The following AGMO variants were observed in gnomAD, a reference collection of about 807,000 sequenced individuals.
AGMO encodes the protein glyceryl-ether monooxygenase.
AGMO carries 75 observed loss-of-function variants against 60.2 expected under a neutral mutation model. The ratio of observed to expected loss-of-function variants is 1.25; its 90% CI spans 1.03 to 1.51. The LOEUF is 1.51. AGMO is among the 40% of genes most tolerant of loss of function. AGMO has a pLI of 0.00. For synonymous variants in AGMO, 261 were observed against 177.1 expected, an observed-to-expected ratio of 1.47 and a Z score of -3.76; for missense variants, 763 against 525.5, an observed-to-expected ratio of 1.45 and a Z score of -4.42.
chr7:15,347,860 T>C (rs1386741862), intron 12 of AGMO, among the ~76,000 whole-genome samples: 2 of 152,042 alleles, frequency 1.3e-5, no homozygotes, highest in African/African-American at 4.8e-5. Flanking sequence ...TCTGTATAAA[T>C]ACTTTATTAA....
chr7:15,398,365 T>C (rs978328479), intron 5 of AGMO, among the ~76,000 whole-genome samples: 2 of 152,152 alleles, frequency 1.3e-5, no homozygotes, highest in African/African-American at 2.4e-5. Context: ...AGTTCGTTTT[T>C]TAAAAAATAG....
chr7:15,531,918 C>T (rs577960751), intron 3 of AGMO, among the ~76,000 whole-genome samples: 119 of 152,032 alleles, frequency 7.8e-4, no homozygotes, highest in African/African-American at 2.8e-3. Flanking sequence ...ATCTGCCTGC[C>T]TTGGCCTCCC....
At chr7:15,350,205 G>C (rs879848820) in intron 12 of AGMO, among the ~76,000 whole-genome samples, 5 of 152,124 alleles carry the variant, frequency 3.3e-5, no homozygotes, top group African/African-American at 7.2e-5. Flanking sequence ...TCCAGTGTCA[G>C]ATAGTGTCAT....
the AGMO span, among the ~76,000 whole-genome samples, chr7:15,150,853 C>T: frequency 2.6e-5 from 4 of 151,964 alleles, no homozygotes; most frequent in Non-Finnish European, 5.9e-5. Context: ...AGGAGATAGT[C>T]CCTCCTCCTT....
chr7:15,207,657 G>A (rs1461594195), intron 12 of AGMO, among the ~76,000 whole-genome samples: 6 of 152,202 alleles, frequency 3.9e-5, no homozygotes, highest in Non-Finnish European at 5.9e-5. Context: ...AAAATAGGCC[G>A]GGCGTGGTGG....
chr7:15,392,324 G>A (rs1019693370), intron 6 of AGMO, among the ~76,000 whole-genome samples: 11 of 112,132 alleles, frequency 9.8e-5, no homozygotes, highest in East Asian at 2.4e-4. Context: ...TCCGCGATCC[G>A]CCTCCCAAAG....
the AGMO span, among the ~76,000 whole-genome samples, chr7:15,163,190 T>C: frequency 6.6e-6 from 1 of 152,226 alleles, no homozygotes; most frequent in African/African-American, 2.4e-5. Context: ...GAAAATTTAC[T>C]GAAGTCATTT....
At chr7:15,153,182 T>C in the AGMO span, among the ~76,000 whole-genome samples, 17 of 46,662 alleles carry the variant, frequency 3.6e-4, no homozygotes, top group African/African-American at 1.0e-3. Flanking sequence ...TTTGATAGGA[T>C]TGTTTTTTTT....
intron 12 of AGMO, among the ~76,000 whole-genome samples, chr7:15,303,603 T>A (rs1466276275): frequency 2.6e-5 from 4 of 152,242 alleles, no homozygotes; most frequent in South Asian, 2.1e-4. Flanking sequence ...GCTGTTTAAC[T>A]GCAATGTGTG....
At chr7:15,439,758 T>A (rs1781498609) in intron 3 of AGMO, among the ~76,000 whole-genome samples, 2 of 152,212 alleles carry the variant, frequency 1.3e-5, no homozygotes, top group Non-Finnish European at 2.9e-5. Flanking sequence ...ATTAGTTATG[T>A]ATGATTTTAT....
chr7:15,479,472 C>T (rs1473485333), intron 3 of AGMO, among the ~76,000 whole-genome samples: 1 of 152,104 alleles, frequency 6.6e-6, no homozygotes, highest in Non-Finnish European at 1.5e-5. Context: ...ACTCCTGAGC[C>T]AATGTTCTTT....
chr7:15,131,291 C>A, the AGMO span, among the ~76,000 whole-genome samples: 1 of 152,060 alleles, frequency 6.6e-6, no homozygotes, highest in Non-Finnish European at 1.5e-5. Context: ...GTTAGAGCTC[C>A]ATAACTTAAA....
chr7:15,349,826 G>T (rs1485549011), intron 12 of AGMO, among the ~76,000 whole-genome samples: 2 of 152,044 alleles, frequency 1.3e-5, no homozygotes, highest in African/African-American at 4.8e-5. Flanking sequence ...ATCAGGTCTG[G>T]TGAGAACTCA....
chr7:15,254,837 T>C, intron 12 of AGMO, among the ~76,000 whole-genome samples: 1 of 151,806 alleles, frequency 6.6e-6, no homozygotes, highest in Non-Finnish European at 1.5e-5. Context: ...GAAACTACTA[T>C]AAACAATTTA....
At position 15,544,925 on chromosome 7, in the gene AGMO, T is replaced by A. The variant is rs1433363087; in HGVS notation, c.258-2A>T. ...AGTTCAATGCTCCTGAAAAATAGACTGGAAGATAAAATTCACAATCAGTGA... is the reference window on the plus strand; with the variant it reads ...AGTTCAATGCTCCTGAAAAATAGACAGGAAGATAAAATTCACAATCAGTGA... On this transcript the variant is annotated splice_acceptor_variant, in intron 2 of 12. Transcript: ENST00000342526. LOFTEE classifies it high-confidence loss of function. 5 of 1,509,782 alleles carry A rather than the reference T, an allele frequency of 3.3e-6. No individual in the cohort carries two copies. Among genetic ancestry groups the A allele is most frequent in the Non-Finnish European group, 3.6e-6 (4 of 1,124,530 alleles). The allele number at this position is 1,509,782 out of a possible 1,614,324, so 93.5% of individuals were successfully genotyped here. A position where few individuals can be genotyped will look rare whatever the true frequency, so the allele number is the denominator to read the frequency against.
chr7:15,167,397 C>T, the AGMO span, among the ~76,000 whole-genome samples: 2 of 152,070 alleles, frequency 1.3e-5, no homozygotes, highest in Non-Finnish European at 2.9e-5. Context: ...TATGAAGAGA[C>T]TTATATTCAA....
rs71004378 is a variant in AGMO, at chr7:15,430,918, G to GTT, written c.513+85_513+86dup. 3,181 of 392,484 alleles carry GTT rather than the reference G, an allele frequency of 8.1e-3. 6 individuals carry two copies. Among genetic ancestry groups the GTT allele is most frequent in the African/African-American group, 0.012 (524 of 43,224 alleles). The allele number at this position is 392,484 out of a possible 1,614,324, so 24.3% of individuals were successfully genotyped here. A position where few individuals can be genotyped will look rare whatever the true frequency, so the allele number is the denominator to read the frequency against. On this transcript the variant is annotated intron_variant, in intron 4 of 12. Transcript: ENST00000342526. ...CATTTTAGTAAAACACCTTCTATTA[G>GTT]TTTTTTTTTTTTTTTGAGGAAATAG... is the stretch of plus-strand genomic sequence containing the variant.
chr7:15,196,845 T>G (rs2115458219), downstream of AGMO, among the ~76,000 whole-genome samples: 1 of 152,276 alleles, frequency 6.6e-6, no homozygotes, highest in African/African-American at 2.4e-5. Context: ...CCTGGGTGGT[T>G]GAAAATGTTT....
the AGMO span, among the ~76,000 whole-genome samples, chr7:15,143,574 T>A: frequency 1.3e-5 from 2 of 152,188 alleles, no homozygotes; most frequent in Non-Finnish European, 2.9e-5. Context: ...CTTTAAATAT[T>A]TGGTGTTTGG....
Sources: gnomAD v4.1 joint callset for allele counts (sites outside exome capture counted in the v4.1 genomes callset) on GRCh38, gnomAD v4.1.1 for gene constraint, MANE v1.5 for transcripts, NCBI Gene and HGNC (gene_info 2026-07-23, HGNC 2026-07-21) for gene names.